The following DIS3L2 variants were observed in gnomAD, a reference collection of about 807,000 sequenced individuals.
DIS3L2 encodes the protein DIS3-like exonuclease 2.
A neutral mutation model predicts 97.5 loss-of-function variants in DIS3L2; 34 were observed. That is an observed-to-expected ratio of 0.35 (90% CI 0.27 to 0.46). The LOEUF is 0.46. Among genes scored for constraint, DIS3L2 ranks in the 20% least tolerant of loss-of-function variants. The pLI, the probability that DIS3L2 is intolerant of heterozygous loss-of-function variation, is 1.00. For missense variants in DIS3L2, 1,038 were observed against 1,146.0 expected (o/e 0.91, Z 1.36); for synonymous variants, 435 against 445.2 (o/e 0.98, Z 0.29).
intron 12 of DIS3L2, among the ~76,000 whole-genome samples, chr2:232,259,288 G>C (rs1054052378): frequency 6.6e-6 from 1 of 151,986 alleles, no homozygotes; most frequent in Non-Finnish European, 1.5e-5. Context: ...ACAAAGTAGA[G>C]GTGCCCATTA....
intron 14 of DIS3L2, among the ~76,000 whole-genome samples, chr2:232,313,692 G>A (rs77918793): frequency 0.011 from 1,717 of 152,278 alleles, 31 homozygotes; most frequent in African/African-American, 0.038. Flanking sequence ...ATATCCCTGT[G>A]TTTTAGTCCA....
intron 1 of DIS3L2, among the ~76,000 whole-genome samples, chr2:231,997,423 A>G (rs981252360): frequency 1.3e-5 from 2 of 152,232 alleles, no homozygotes; most frequent in South Asian, 2.1e-4. Context: ...ATTTGAGATC[A>G]CTTTATTTGA....
chr2:231,984,219 C>A (rs191258299), intron 1 of DIS3L2, among the ~76,000 whole-genome samples: 1 of 151,740 alleles, frequency 6.6e-6, no homozygotes, highest in Non-Finnish European at 1.5e-5. Flanking sequence ...GGTGCTTTAT[C>A]ATTATTCATA....
chr2:232,208,221 T>G (rs1054967034), intron 9 of DIS3L2, among the ~76,000 whole-genome samples: 4 of 152,156 alleles, frequency 2.6e-5, no homozygotes, highest in Admixed American at 6.5e-5. Context: ...ACCACTGATC[T>G]GCTCTCTGTC....
intron 4 of DIS3L2, among the ~76,000 whole-genome samples, chr2:232,028,809 G>A (rs1053060711): frequency 6.6e-6 from 1 of 152,198 alleles, no homozygotes; most frequent in Non-Finnish European, 1.5e-5. Context: ...CTACAGTCAT[G>A]TTTTGTGGCT....
At chr2:232,220,922 G>A (rs1692486201) in intron 10 of DIS3L2, among the ~76,000 whole-genome samples, 1 of 151,674 alleles carries the variant, frequency 6.6e-6, no homozygotes, top group Non-Finnish European at 1.5e-5. Context: ...GGCCAACATG[G>A]AGAAACCCCG....
chr2:232,077,608 T>C (rs1017250772), intron 5 of DIS3L2, among the ~76,000 whole-genome samples: 19 of 152,218 alleles, frequency 1.2e-4, no homozygotes, highest in African/African-American at 4.3e-4. Flanking sequence ...GAAAAAGTTC[T>C]TTATGATCCA....
intron 1 of DIS3L2, among the ~76,000 whole-genome samples, chr2:231,975,185 G>A (rs1380363834): frequency 6.6e-6 from 1 of 152,136 alleles, no homozygotes; most frequent in Non-Finnish European, 1.5e-5. Flanking sequence ...CCATGCCAGA[G>A]TGCCAAGCTA....
chr2:231,988,687 C>T (rs1395064309), intron 1 of DIS3L2, among the ~76,000 whole-genome samples: 1 of 152,106 alleles, frequency 6.6e-6, no homozygotes, highest in East Asian at 1.9e-4. Context: ...GTGCTTAGGG[C>T]TGAAAGTCTG....
chr2:232,313,121 A>G (rs1695179649), intron 14 of DIS3L2, among the ~76,000 whole-genome samples: 3 of 152,102 alleles, frequency 2.0e-5, no homozygotes, highest in Admixed American at 2.0e-4. Context: ...TGCACTGTAC[A>G]GTATTTCTGG....
At chr2:232,118,578 T>TG (rs1697796986) in intron 6 of DIS3L2, among the ~76,000 whole-genome samples, 1 of 152,240 alleles carries the variant, frequency 6.6e-6, no homozygotes, top group South Asian at 2.1e-4. Context: ...TAGCAACTGT[T>TG]GTGCAGAAGG....
intron 5 of DIS3L2, among the ~76,000 whole-genome samples, chr2:232,032,292 C>T (rs1694825979): frequency 6.6e-6 from 1 of 152,172 alleles, no homozygotes; most frequent in African/African-American, 2.4e-5. Context: ...TGTCTGTTGG[C>T]CACATAAATG....
intron 3 of DIS3L2, among the ~76,000 whole-genome samples, chr2:232,019,022 G>A (rs138386280): frequency 6.6e-6 from 1 of 152,276 alleles, no homozygotes; most frequent in African/African-American, 2.4e-5. Flanking sequence ...CCAGTTTAGG[G>A]TGATGATCAA....
chr2:232,245,245 C>T (rs890940490), intron 11 of DIS3L2, among the ~76,000 whole-genome samples: 1 of 152,316 alleles, frequency 6.6e-6, no homozygotes, highest in East Asian at 1.9e-4. Context: ...CAGGAACCAT[C>T]GCAGGCCTCA....
chr2:232,200,183 G>C (rs1359862985), intron 9 of DIS3L2, among the ~76,000 whole-genome samples: 6 of 152,196 alleles, frequency 3.9e-5, no homozygotes, highest in African/African-American at 1.4e-4. Context: ...TATGGTATTA[G>C]ATTTCAGTTG....
Position 232,048,604 on chromosome 2 carries a change from C to T in DIS3L2, c.366+18524C>T, listed in dbSNP as rs185506349. Among the ~76,000 whole-genome samples the T allele has an allele frequency of 5.7e-4, 86 of 151,860 alleles. No homozygotes were observed. In the East Asian group the frequency reaches 0.014, roughly 24 times the overall value. On this transcript the variant is annotated intron_variant, in intron 5 of 20. Transcript: ENST00000325385. Reference sequence around the variant, plus strand: ...AAAATTAGCCAGGTGTGGCGGGGTGCGCCTGTAGTCCCAGCTACTCGGGAG... The same window carrying T: ...AAAATTAGCCAGGTGTGGCGGGGTGTGCCTGTAGTCCCAGCTACTCGGGAG...
intron 6 of DIS3L2, among the ~76,000 whole-genome samples, chr2:232,113,778 A>T (rs1697615365): frequency 6.6e-6 from 1 of 152,242 alleles, no homozygotes; most frequent in African/African-American, 2.4e-5. Flanking sequence ...TAAAACAAAG[A>T]TGATAACAAC....
At chr2:232,310,060 G>A (rs1695083580) in intron 14 of DIS3L2, among the ~76,000 whole-genome samples, 1 of 152,202 alleles carries the variant, frequency 6.6e-6, no homozygotes, top group South Asian at 2.1e-4. Context: ...GACACTTTCT[G>A]TCTGCACCTT....
At chr2:232,036,272 C>G (rs1454052474) in intron 5 of DIS3L2, among the ~76,000 whole-genome samples, 1 of 152,158 alleles carries the variant, frequency 6.6e-6, no homozygotes, top group Non-Finnish European at 1.5e-5. Flanking sequence ...TTAAGTTGAT[C>G]TTCAGTCCCT....
Sources: gnomAD v4.1 joint callset for allele counts (sites outside exome capture counted in the v4.1 genomes callset) on GRCh38, gnomAD v4.1.1 for gene constraint, MANE v1.5 for transcripts, NCBI Gene and HGNC (gene_info 2026-07-23, HGNC 2026-07-21) for gene names.